Variants in FANK1 observed in about 807,000 individuals in gnomAD.
The protein encoded by FANK1 is fibronectin type 3 and ankyrin repeat domains protein 1.
A neutral mutation model predicts 45.3 loss-of-function variants in FANK1; 44 were observed. The ratio of observed to expected loss-of-function variants is 0.97; its 90% CI spans 0.76 to 1.25. FANK1 has a LOEUF of 1.25. Among genes scored for constraint, FANK1 ranks in the 50% most tolerant of loss-of-function variants. The probability of loss-of-function intolerance (pLI) is 0.00; values close to 1 mark genes in which losing one functional copy is unlikely to be tolerated. For synonymous variants in FANK1, 149 were observed against 152.5 expected (o/e 0.98, Z 0.17); for missense variants, 391 against 424.4 (o/e 0.92, Z 0.69).
At position 125,973,341 on chromosome 10, in the gene FANK1, A is replaced by G. The variant is rs553061532; in HGVS notation, c.14-6820A>G. 166 of 688,796 alleles carry G rather than the reference A, an allele frequency of 2.4e-4. 3 individuals are homozygous for G. The South Asian group carries it at 0.01, about 42-fold the overall frequency. 42.7% of individuals were successfully genotyped at this position (688,796 alleles called of 1,614,324 possible). A position where few individuals can be genotyped will look rare whatever the true frequency, so the allele number is the denominator to read the frequency against. On this transcript the variant is annotated intron_variant, in intron 1 of 10. Coordinates refer to ENST00000368693, the MANE Select transcript of FANK1 (RefSeq NM_145235.5). ...TCTGGTTATTTTGGGGGTAATCCATAACAGTCTACCATTCCTGGTGTTTGG... is the reference window on the plus strand; with the variant it reads ...TCTGGTTATTTTGGGGGTAATCCATGACAGTCTACCATTCCTGGTGTTTGG...
rs1247211185 is a variant in FANK1, at chr10:125,905,125, T to G, written c.13+8470T>G. ...CAGCCCAGGTGACAGAGCGAGACTC[T>G]GTCCCAAAAAAAAAAAAAAAAAAAA... On this transcript the variant is annotated intron_variant, in intron 1 of 10. Transcript: ENST00000368693. Among the ~76,000 whole-genome samples, 6 of 107,082 alleles carry G rather than the reference T, an allele frequency of 5.6e-5. No homozygotes were observed. The East Asian group carries it at 1.7e-3, about 31-fold the overall frequency. The allele number at this position is 107,082 out of a possible 152,430, so 70.2% of individuals were successfully genotyped here.
At chr10:125,947,468 T>A (rs1382054619) in intron 1 of FANK1, among the ~76,000 whole-genome samples, 2 of 150,188 alleles carry the variant, frequency 1.3e-5, no homozygotes, top group African/African-American at 2.5e-5. Context: ...GCAATCCTAG[T>A]CTCTGATAAA....
chr10:125,943,407 T>G (rs1208512239), intron 1 of FANK1, among the ~76,000 whole-genome samples: 1 of 152,200 alleles, frequency 6.6e-6, no homozygotes, highest in African/African-American at 2.4e-5. Flanking sequence ...TTTTATTATA[T>G]TCACAAAGTT....
At chr10:125,993,091 T>C (rs1952056236) in intron 3 of FANK1, among the ~76,000 whole-genome samples, 1 of 152,124 alleles carries the variant, frequency 6.6e-6, no homozygotes, top group African/African-American at 2.4e-5. Context: ...GTCTTGTGGT[T>C]TGGAGGAGAA....
intron 1 of FANK1, among the ~76,000 whole-genome samples, chr10:125,913,202 A>G (rs1361980960): frequency 6.6e-6 from 1 of 152,206 alleles, no homozygotes; most frequent in African/African-American, 2.4e-5. Flanking sequence ...GATTCTAAAG[A>G]TACTGGTAAT....
chr10:126,008,364 A>C, intron 7 of FANK1, 43 bp from the exon 8 acceptor site: 2 of 1,533,332 alleles, frequency 1.3e-6, no homozygotes, highest in Non-Finnish European at 1.8e-6. Context: ...CATTTTAAGA[A>C]AAAGAAATTG....
intron 1 of FANK1, among the ~76,000 whole-genome samples, chr10:125,928,349 G>A (rs142894168): frequency 3.3e-5 from 5 of 150,556 alleles, no homozygotes; most frequent in Non-Finnish European, 7.4e-5. Context: ...TAGTGGGAGT[G>A]TAGCAGTGGG....
intron 1 of FANK1, among the ~76,000 whole-genome samples, chr10:125,969,914 C>T (rs1271864649): frequency 6.6e-6 from 1 of 152,168 alleles, no homozygotes; most frequent in Non-Finnish European, 1.5e-5. Flanking sequence ...GTTGACACAG[C>T]ACATGTTTCA....
At chr10:125,925,108 A>G (rs1564878868) in intron 1 of FANK1, among the ~76,000 whole-genome samples, 1 of 151,880 alleles carries the variant, frequency 6.6e-6, no homozygotes, top group East Asian at 1.9e-4. Context: ...ATATGTTTGC[A>G]TTGAGTATTT....
At position 126,009,367 on chromosome 10, in the gene FANK1, A is replaced by G; in HGVS notation, c.973-6A>G. 6.2e-7 allele frequency: 1 copy of G among 1,614,078 alleles called. No individual in the cohort carries two copies. ...TTACATTCGCCTGTCTGTTTTGTTT[A>G]TCTAGAGTGTAGTCTCCTTATTAGA... On this transcript the variant is annotated splice_region_variant and splice_polypyrimidine_tract_variant and intron_variant, in intron 10 of 10. Coordinates refer to ENST00000368693, the MANE Select transcript of FANK1 (RefSeq NM_145235.5).
chr10:126,004,838 G>C, intron 6 of FANK1, 46 bp from the exon 7 acceptor site: 1 of 1,600,432 alleles, frequency 6.2e-7, no homozygotes, highest in African/African-American at 1.3e-5. Context: ...AGCTGAGTTT[G>C]GTGACTGTGC....
chr10:125,942,626 C>T (rs531433909), intron 1 of FANK1, among the ~76,000 whole-genome samples: 1 of 152,128 alleles, frequency 6.6e-6, no homozygotes, highest in East Asian at 1.9e-4. Context: ...TAAAAGCTGA[C>T]AAATATAAAA....
At chr10:125,970,825 A>G (rs1950473552) in intron 1 of FANK1, among the ~76,000 whole-genome samples, 1 of 152,108 alleles carries the variant, frequency 6.6e-6, no homozygotes, top group African/African-American at 2.4e-5. Context: ...GACGAGGGAG[A>G]GGGGAAGACC....
At chr10:125,921,325 G>A (rs1313938152) in intron 1 of FANK1, among the ~76,000 whole-genome samples, 1 of 152,080 alleles carries the variant, frequency 6.6e-6, no homozygotes, top group Non-Finnish European at 1.5e-5. Context: ...TAGCCTTTGA[G>A]TCTGGCTACT....
At position 125,958,488 on chromosome 10, in the gene FANK1, T is replaced by G. The variant is rs1280865401; in HGVS notation, c.14-21673T>G. Among the ~76,000 whole-genome samples the G allele has an allele frequency of 2.0e-5, 3 of 152,200 alleles. No individual in the cohort carries two copies. In the East Asian group the frequency reaches 5.8e-4, roughly 29 times the overall value. ...CCTGGTCTCAAGTGATTGGCCAGCC[T>G]TGGCCTCCTAAGGTGCTGGGATTAC... On this transcript the variant is annotated intron_variant, in intron 1 of 10. Coordinates refer to ENST00000368693, the MANE Select transcript of FANK1 (RefSeq NM_145235.5).
chr10:125,907,418 T>C (rs1446478825), intron 1 of FANK1: 1 of 848,362 alleles, frequency 1.2e-6, no homozygotes, highest in Admixed American at 6.2e-5. Flanking sequence ...GATCTCAATG[T>C]CCTGGTGTTG....
chr10:126,008,022 A>G (rs1294900233), intron 7 of FANK1, among the ~76,000 whole-genome samples: 4 of 152,294 alleles, frequency 2.6e-5, no homozygotes, highest in East Asian at 1.9e-4. Context: ...ATAAGTGTGT[A>G]TATATATTAT....
intron 1 of FANK1, among the ~76,000 whole-genome samples, chr10:125,934,629 G>A (rs1469606595): frequency 1.3e-5 from 2 of 150,738 alleles, no homozygotes; most frequent in African/African-American, 2.4e-5. Context: ...GATGAGAGCC[G>A]CTGCCATTTA....
intron 1 of FANK1, among the ~76,000 whole-genome samples, chr10:125,961,250 G>A (rs1949908412): frequency 6.6e-6 from 1 of 152,166 alleles, no homozygotes; most frequent in Non-Finnish European, 1.5e-5. Flanking sequence ...GGGACTACAG[G>A]TACGTGCAAC....
Sources: gnomAD v4.1 joint callset for allele counts (sites outside exome capture counted in the v4.1 genomes callset) on GRCh38, gnomAD v4.1.1 for gene constraint, MANE v1.5 for transcripts, NCBI Gene and HGNC (gene_info 2026-07-23, HGNC 2026-07-21) for gene names.